GRXCR2: variants seen among roughly 807,000 people sequenced by gnomAD.
GRXCR2 encodes the protein glutaredoxin and cysteine rich domain containing 2.
GRXCR2 carries 23 observed loss-of-function variants against 24.8 expected under a neutral mutation model. That is an observed-to-expected ratio of 0.93 (90% CI 0.67 to 1.32). The LOEUF (loss-of-function observed/expected upper bound fraction) is 1.32. Ranked by LOEUF, GRXCR2 falls within the 40% of genes most tolerant of loss-of-function variation. The pLI, the probability that GRXCR2 is intolerant of heterozygous loss-of-function variation, is 0.00. For synonymous variants in GRXCR2, 130 were observed against 116.1 expected, an observed-to-expected ratio of 1.12 and a Z score of -0.77; for missense variants, 315 against 303.4, an observed-to-expected ratio of 1.04 and a Z score of -0.28.
At chr5:145,889,670 AT>A in intron 2 of GRXCR2, among the ~76,000 whole-genome samples, 1 of 152,346 alleles carries the variant, frequency 6.6e-6, no homozygotes, top group South Asian at 2.1e-4. Flanking sequence ...AAAAATCTGA[AT>A]GTGGCAATAC....
chr5:145,887,730 A>T (rs1756797674), intron 2 of GRXCR2, among the ~76,000 whole-genome samples: 1 of 152,210 alleles, frequency 6.6e-6, no homozygotes, highest in South Asian at 2.1e-4. Context: ...GAAAATGCAC[A>T]TAAATTAAAG....
downstream of GRXCR2, among the ~76,000 whole-genome samples, chr5:145,858,038 G>A (rs567437457): frequency 9.2e-5 from 14 of 152,290 alleles, no homozygotes; most frequent in African/African-American, 3.4e-4. Flanking sequence ...ATAGAGCCAG[G>A]CGCGGTGGCT....
rs1383780959 is a variant in GRXCR2, at chr5:145,859,665, A to T, written c.*68T>A. 6.8e-7 allele frequency: 1 copy of T among 1,463,670 alleles called. No individual in the cohort carries two copies. The highest frequency in any genetic ancestry group is 1.4e-5 in the African/African-American group (1 of 71,914). 90.7% of individuals were successfully genotyped at this position (1,463,670 alleles called of 1,614,324 possible). ...TTGTTGGGAGAGGCAGGAGGAGGAG[A>T]AGGGGGCGGTTTATTAGAAATAACT... is the stretch of plus-strand genomic sequence containing the variant. On this transcript the variant is annotated 3_prime_UTR_variant, in exon 3 of 3. Coordinates refer to ENST00000377976, the MANE Select transcript of GRXCR2 (RefSeq NM_001080516.2).
chr5:145,900,655 C>T (rs944587661), intron 2 of GRXCR2, among the ~76,000 whole-genome samples: 1 of 152,128 alleles, frequency 6.6e-6, no homozygotes, highest in Non-Finnish European at 1.5e-5. Flanking sequence ...ATTGGCAAGG[C>T]TGCAGAGAAA....
intron 2 of GRXCR2, among the ~76,000 whole-genome samples, chr5:145,901,650 A>G (rs954707747): frequency 3.1e-4 from 47 of 152,180 alleles, no homozygotes; most frequent in African/African-American, 1.1e-3. Context: ...ACTAAAAATG[A>G]GGTGGATAGA....
intron 2 of GRXCR2, among the ~76,000 whole-genome samples, chr5:145,925,278 T>C (rs529446887): frequency 1.3e-5 from 2 of 152,214 alleles, no homozygotes; most frequent in African/African-American, 2.4e-5. Flanking sequence ...CAGAAAAAGA[T>C]AAACTATAGC....
chr5:145,890,506 T>G (rs757030868), intron 2 of GRXCR2, among the ~76,000 whole-genome samples: 1 of 152,148 alleles, frequency 6.6e-6, no homozygotes, highest in Admixed American at 6.5e-5. Flanking sequence ...ACCTGGAAAG[T>G]ATATTTGAAA....
intron 2 of GRXCR2, among the ~76,000 whole-genome samples, chr5:145,901,293 T>G (rs1235600723): frequency 6.6e-6 from 1 of 151,910 alleles, no homozygotes; most frequent in African/African-American, 2.4e-5. Flanking sequence ...TCACTGAATC[T>G]AAAAAAGTTG....
At chr5:145,913,645 C>T (rs765761988) in intron 2 of GRXCR2, among the ~76,000 whole-genome samples, 2 of 152,080 alleles carry the variant, frequency 1.3e-5, no homozygotes, top group Non-Finnish European at 2.9e-5. Flanking sequence ...GTCCAGCCCA[C>T]AGAAGCTTTT....
chr5:145,897,801 C>A (rs1581346864), intron 2 of GRXCR2, among the ~76,000 whole-genome samples: 1 of 152,022 alleles, frequency 6.6e-6, no homozygotes, highest in East Asian at 1.9e-4. Context: ...ACCAAAATCT[C>A]TGGGATGCAG....
At chr5:145,903,409 C>A (rs916590096) in intron 2 of GRXCR2, among the ~76,000 whole-genome samples, 18 of 152,250 alleles carry the variant, frequency 1.2e-4, no homozygotes, top group African/African-American at 4.1e-4. Flanking sequence ...GCAGTTTCCT[C>A]TGAAACTCAG....
chr5:145,869,360 T>A (rs1756488426), intron 1 of GRXCR2, among the ~76,000 whole-genome samples: 1 of 152,226 alleles, frequency 6.6e-6, no homozygotes, highest in Non-Finnish European at 1.5e-5. Context: ...CCATTTTCTT[T>A]GAACCTTATA....
chr5:145,874,700 T>C (rs1022872339), upstream of GRXCR2, among the ~76,000 whole-genome samples: 1 of 152,250 alleles, frequency 6.6e-6, no homozygotes, highest in Non-Finnish European at 1.5e-5. Context: ...AGTCTCTTGC[T>C]GAAAAATCTT....
intron 2 of GRXCR2, among the ~76,000 whole-genome samples, chr5:145,898,884 C>T (rs968714939): frequency 2.6e-5 from 4 of 152,010 alleles, no homozygotes; most frequent in Non-Finnish European, 5.9e-5. Context: ...AACTCCTATT[C>T]AACACAGTAC....
chr5:145,929,199 C>A (rs13184639), intron 2 of GRXCR2, among the ~76,000 whole-genome samples: 12,047 of 112,968 alleles, frequency 0.11, 1,139 homozygotes, highest in South Asian at 0.32. Context: ...ATATTCCCCC[C>A]TATATATATA....
chr5:145,928,158 A>G (rs1296976414), intron 2 of GRXCR2, among the ~76,000 whole-genome samples: 1 of 151,976 alleles, frequency 6.6e-6, no homozygotes, highest in Non-Finnish European at 1.5e-5. Context: ...AAAAATGCTC[A>G]TCATCACTGG....
At chr5:145,896,136 A>T (rs1226052336) in intron 2 of GRXCR2, among the ~76,000 whole-genome samples, 2 of 152,168 alleles carry the variant, frequency 1.3e-5, no homozygotes, top group Non-Finnish European at 2.9e-5. Flanking sequence ...TTAATTCAAG[A>T]TGGATTAAAG....
intron 2 of GRXCR2, among the ~76,000 whole-genome samples, chr5:145,910,993 A>ATTT (rs113252498): frequency 9.0e-5 from 13 of 144,592 alleles, no homozygotes; most frequent in South Asian, 2.2e-4. Flanking sequence ...CTTCTTTTGT[A>ATTT]TTTTTTTTTT....
chr5:145,870,492 T>G (rs960108947), intron 1 of GRXCR2, among the ~76,000 whole-genome samples: 1 of 152,168 alleles, frequency 6.6e-6, no homozygotes, highest in African/African-American at 2.4e-5. Context: ...CTATGGACAT[T>G]TGGGTTCTTT....
Sources: gnomAD v4.1 joint callset for allele counts (sites outside exome capture counted in the v4.1 genomes callset) on GRCh38, gnomAD v4.1.1 for gene constraint, MANE v1.5 for transcripts, NCBI Gene and HGNC (gene_info 2026-07-23, HGNC 2026-07-21) for gene names.